The following STPG2 variants were observed in gnomAD, a reference collection of about 807,000 sequenced individuals.
STPG2 encodes sperm-tail PG-rich repeat-containing protein 2.
Under a neutral mutation model 54.2 loss-of-function variants are expected in STPG2, and 56 were observed. That is an observed-to-expected ratio of 1.03 (90% confidence interval 0.83 to 1.29). The LOEUF (loss-of-function observed/expected upper bound fraction) is 1.29, where lower values mean the gene tolerates loss of function less well. Ranked by LOEUF, STPG2 falls within the 50% of genes most tolerant of loss-of-function variation. The pLI, the probability that STPG2 is intolerant of heterozygous loss-of-function variation, is 0.00. For synonymous variants in STPG2, 200 were observed against 181.8 expected (o/e 1.10, Z -0.81); for missense variants, 596 against 544.9 (o/e 1.09, Z -0.93).
intron 7 of STPG2, among the ~76,000 whole-genome samples, chr4:97,968,064 TC>T (rs1365164389): frequency 6.6e-6 from 1 of 151,988 alleles, no homozygotes; most frequent in African/African-American, 2.4e-5. Flanking sequence ...AATCAATGAA[TC>T]CAGGAGCTGG....
intron 10 of STPG2, among the ~76,000 whole-genome samples, chr4:97,655,889 C>T (rs1722206915): frequency 6.6e-6 from 1 of 152,038 alleles, no homozygotes; most frequent in South Asian, 2.1e-4. Flanking sequence ...AAAGCTAGAA[C>T]ATAATTTAGG....
intron 5 of STPG2, among the ~76,000 whole-genome samples, chr4:98,001,459 A>G (rs1277717272): frequency 1.3e-5 from 2 of 152,034 alleles, no homozygotes; most frequent in Admixed American, 6.6e-5. Context: ...ATGTCAGTAT[A>G]GTCTTCCTGC....
At chr4:98,075,704 T>C (rs1738142804) in intron 5 of STPG2, among the ~76,000 whole-genome samples, 1 of 152,222 alleles carries the variant, frequency 6.6e-6, no homozygotes, top group African/African-American at 2.4e-5. Context: ...ACCTTCACCA[T>C]TCTTTCTAAG....
chr4:97,936,603 T>C (rs1046872174), intron 8 of STPG2, among the ~76,000 whole-genome samples: 46 of 152,196 alleles, frequency 3.0e-4, no homozygotes, highest in African/African-American at 1.0e-3. Flanking sequence ...CATTTGCTTG[T>C]CTGAAAATGA....
chr4:97,726,835 A>G (rs901926139), intron 9 of STPG2, among the ~76,000 whole-genome samples: 3 of 150,932 alleles, frequency 2.0e-5, no homozygotes, highest in Non-Finnish European at 4.4e-5. Context: ...CACACATAAT[A>G]CAAACATACA....
intron 8 of STPG2, among the ~76,000 whole-genome samples, chr4:97,864,795 A>G (rs1314060166): frequency 1.3e-5 from 2 of 152,126 alleles, no homozygotes; most frequent in African/African-American, 4.8e-5. Context: ...CCACACATCT[A>G]CAACTATCTG....
chr4:97,841,763 A>G (rs1728808722), intron 8 of STPG2, among the ~76,000 whole-genome samples: 1 of 151,788 alleles, frequency 6.6e-6, no homozygotes, highest in Non-Finnish European at 1.5e-5. Context: ...TGTGACCTTA[A>G]GCAAGCCACT....
At chr4:97,738,092 T>G (rs1474718362) in intron 9 of STPG2, among the ~76,000 whole-genome samples, 3 of 152,138 alleles carry the variant, frequency 2.0e-5, no homozygotes, top group Non-Finnish European at 2.9e-5. Context: ...CAACCCAGAA[T>G]TTCATATCCA....
chr4:97,701,580 G>A (rs1486257790), intron 10 of STPG2, among the ~76,000 whole-genome samples: 2 of 152,172 alleles, frequency 1.3e-5, no homozygotes, highest in Non-Finnish European at 1.5e-5. Flanking sequence ...TCATTCAAGG[G>A]GTTCTGGATC....
chr4:97,562,552 C>A lies in STPG2; in HGVS notation c.1321-3435G>T, dbSNP rs184617004. Among the ~76,000 whole-genome samples, 213 of 152,180 alleles carry A rather than the reference C, an allele frequency of 1.4e-3. 5 individuals carry two copies. In the East Asian group the frequency reaches 0.023, roughly 16 times the overall value. On this transcript the variant is annotated intron_variant, in intron 10 of 10. Coordinates refer to ENST00000295268, the MANE Select transcript of STPG2 (RefSeq NM_174952.3). ...AAAGGGAATGCTTGCAGTTTTTGCC[C>A]ATTCAGTATGATATTGGCTGTGGGT...
chr4:97,485,054 C>A (rs1730319647), intron 4 of STPG2, among the ~76,000 whole-genome samples: 1 of 151,616 alleles, frequency 6.6e-6, no homozygotes, highest in Admixed American at 6.6e-5. Flanking sequence ...AAGGGACATA[C>A]CTCAATTTAA....
chr4:98,087,909 G>A (rs150522847), intron 5 of STPG2, among the ~76,000 whole-genome samples: 8 of 152,250 alleles, frequency 5.3e-5, no homozygotes, highest in African/African-American at 1.7e-4. Flanking sequence ...AAATTAATAA[G>A]CCCTAATCCC....
intron 4 of STPG2, among the ~76,000 whole-genome samples, chr4:97,500,063 A>C (rs957354350): frequency 1.3e-5 from 2 of 152,172 alleles, no homozygotes; most frequent in South Asian, 4.1e-4. Context: ...ATGGTCTCAA[A>C]AAAAGGCAAT....
At chr4:97,519,935 T>C (rs1318774849) in intron 4 of STPG2, among the ~76,000 whole-genome samples, 2 of 152,098 alleles carry the variant, frequency 1.3e-5, no homozygotes, top group Admixed American at 6.6e-5. Context: ...CCCAGTTTTA[T>C]CTTATTTGTT....
intron 3 of STPG2, among the ~76,000 whole-genome samples, chr4:98,118,560 AAAG>A (rs1358219574): frequency 3.3e-5 from 5 of 152,184 alleles, no homozygotes; most frequent in African/African-American, 7.2e-5. Flanking sequence ...TTTAACAGAC[AAAG>A]AAGAAGTATA....
chr4:97,864,938 C>A (rs370175896), intron 8 of STPG2, among the ~76,000 whole-genome samples: 9 of 152,012 alleles, frequency 5.9e-5, no homozygotes, highest in East Asian at 3.9e-4. Context: ...TACAAAAATT[C>A]ATTCAAGATG....
chr4:97,897,243 C>A (rs922588538), intron 8 of STPG2, among the ~76,000 whole-genome samples: 2 of 152,140 alleles, frequency 1.3e-5, no homozygotes, highest in Middle Eastern at 3.4e-3. Context: ...TGATCTCATT[C>A]TTTTTTATAA....
intron 8 of STPG2, among the ~76,000 whole-genome samples, chr4:97,919,222 T>A (rs1732001648): frequency 6.6e-6 from 1 of 151,900 alleles, no homozygotes; most frequent in Non-Finnish European, 1.5e-5. Flanking sequence ...CGATTTCTGC[T>A]TCAAATATAT....
At chr4:97,586,677 A>C (rs1026427263) in intron 10 of STPG2, among the ~76,000 whole-genome samples, 1 of 152,000 alleles carries the variant, frequency 6.6e-6, no homozygotes, top group Non-Finnish European at 1.5e-5. Context: ...TAATGTTTTT[A>C]AAGTATTGAA....
Sources: allele counts gnomAD v4.1 joint callset (sites outside exome capture counted in the v4.1 genomes callset), GRCh38; gene constraint gnomAD v4.1.1; transcripts MANE v1.5; gene names NCBI Gene and HGNC (gene_info 2026-07-23, HGNC 2026-07-21).